The following LMNA variants were observed in gnomAD, a reference collection of about 807,000 sequenced individuals.
LMNA encodes the protein lamin.
Under a neutral mutation model 70.4 loss-of-function variants are expected in LMNA, and 20 were observed. The ratio of observed to expected loss-of-function variants is 0.28; its 90% CI spans 0.20 to 0.41. The LOEUF (loss-of-function observed/expected upper bound fraction) is 0.41. Among genes scored for constraint, LMNA ranks in the 10% least tolerant of loss-of-function variants. LMNA has a pLI of 1.00. For synonymous variants in LMNA, 339 were observed against 372.8 expected (o/e 0.91, Z 1.04); for missense variants, 652 against 917.2 (o/e 0.71, Z 3.73).
chr1:156,110,044 TG>T (rs1338350475), upstream of LMNA, among the ~76,000 whole-genome samples: 1 of 151,934 alleles, frequency 6.6e-6, no homozygotes, highest in Non-Finnish European at 1.5e-5. Flanking sequence ...GGTTTCACTA[TG>T]TTGGCCAGGT....
chr1:156,101,772 G>A (rs963231037), intron 3 of LMNA, among the ~76,000 whole-genome samples: 2 of 152,234 alleles, frequency 1.3e-5, no homozygotes, highest in African/African-American at 4.8e-5. Context: ...TCCAGGTGGG[G>A]GTTGGTGGTG....
chr1:156,107,194 C>CG (rs779886920), intron 3 of LMNA, among the ~76,000 whole-genome samples: 21 of 152,068 alleles, frequency 1.4e-4, no homozygotes, highest in Non-Finnish European at 2.4e-4. Flanking sequence ...AGCTTGTCAC[C>CG]GGGGGGACTG....
intron 2 of LMNA, among the ~76,000 whole-genome samples, chr1:156,085,730 C>T (rs1029711382): frequency 6.6e-6 from 1 of 152,170 alleles, no homozygotes; most frequent in African/African-American, 2.4e-5. Flanking sequence ...ATTGCTAAGC[C>T]TCAGTTTCCT....
rs1319142265 is a variant in LMNA, at chr1:156,137,090, A to G, written c.1489-23A>G. ...TGGGTGGCGATGGGAGCGCTGGGGT[A>G]AGTGTCCTTTTCTCCTCTCCAGATC... is the stretch of plus-strand genomic sequence containing the variant. On this transcript the variant is annotated intron_variant, in intron 8 of 11. Transcript: ENST00000368300. The surrounding 1 kb of genome is among the most constrained non-coding windows in gnomAD (Gnocchi z 4.6). 9 of 1,614,000 alleles carry G rather than the reference A, an allele frequency of 5.6e-6. No homozygotes were observed. Among genetic ancestry groups the G allele is most frequent in the Non-Finnish European group, 7.6e-6 (9 of 1,179,934 alleles).
chr1:156,102,871 G>T (rs1049949564), intron 3 of LMNA, among the ~76,000 whole-genome samples: 2 of 152,184 alleles, frequency 1.3e-5, no homozygotes, highest in African/African-American at 4.8e-5. Context: ...AGCTCTCCAA[G>T]GGTCCCATAT....
intron 2 of LMNA, among the ~76,000 whole-genome samples, chr1:156,087,530 C>T (rs768533606): frequency 1.3e-5 from 2 of 151,638 alleles, no homozygotes; most frequent in Non-Finnish European, 2.9e-5. Flanking sequence ...CGTGAGCCAT[C>T]GCGCCCGGCT....
chr1:156,085,046 G>C (rs148082625), intron 2 of LMNA, among the ~76,000 whole-genome samples: 3 of 152,332 alleles, frequency 2.0e-5, no homozygotes, highest in African/African-American at 7.2e-5. Flanking sequence ...CAACAAGAAT[G>C]AATCAGCCCT....
At position 156,138,345 on chromosome 1, in the gene LMNA, C is replaced by T; in HGVS notation, c.1699-143C>T. 1.1e-6 allele frequency: 1 copy of T among 884,252 alleles called. No homozygotes were observed. Among genetic ancestry groups the T allele is most frequent in the Non-Finnish European group, 1.7e-6 (1 of 584,404 alleles). 54.8% of individuals were successfully genotyped at this position (884,252 alleles called of 1,614,324 possible). A position where few individuals can be genotyped will look rare whatever the true frequency, so the allele number is the denominator to read the frequency against. The stretch of plus-strand genomic sequence containing the variant: ...CCTCCGGGCCCCTAGCCTCCCAAAC[C>T]CCCATTGCCCGCTGGCTCCTTGGGC... On this transcript the variant is annotated intron_variant, in intron 10 of 11. Coordinates refer to ENST00000368300, the MANE Select transcript of LMNA (RefSeq NM_170707.4). The surrounding 1 kb of genome is among the most constrained non-coding windows in gnomAD (Gnocchi z 5.5).
rs540420153 is a variant in LMNA at position 156,134,594 on chromosome 1, G to T, written c.639+66G>T. 5 of 1,606,910 alleles carry T rather than the reference G, an allele frequency of 3.1e-6. No individual in the cohort carries two copies. Among genetic ancestry groups the T allele is most frequent in the South Asian group, 2.2e-5 (2 of 90,470 alleles). ...TGATGACAGACTTGGGCTGGGCTAG[G>T]GGGGACCAGCTGTGTGCAGAGCTCG... On this transcript the variant is annotated intron_variant, in intron 3 of 11. Coordinates refer to ENST00000368300, the MANE Select transcript of LMNA (RefSeq NM_170707.4). The surrounding 1 kb of genome is among the most constrained non-coding windows in gnomAD (Gnocchi z 5.3).
rs774494686 is a variant in LMNA at position 156,138,582 on chromosome 1, C to G, written c.1793C>G (p.Ala598Gly). Residue 598 changes from alanine (A) to glycine (G), a missense_variant, in exon 11 of 12, where the codon GCA becomes GGA. By Grantham distance (60) the Ala-to-Gly change is moderately conservative. Around this residue, in one of 4 missense-constraint regions of LMNA, gnomAD observed 327 missense variants for 387.6 expected, o/e 0.84. Coordinates refer to ENST00000368300, the MANE Select transcript of LMNA (RefSeq NM_170707.4). The surrounding 1 kb of genome is among the most constrained non-coding windows in gnomAD (Gnocchi z 5.5). ...ACCTGCGGGCAGCCTGCCGACAAGGCATCTGCCAGCGGCTCAGGAGCCCAG... is the reference window on the plus strand; with the variant it reads ...ACCTGCGGGCAGCCTGCCGACAAGGGATCTGCCAGCGGCTCAGGAGCCCAG... ...CGTCGQPADK[A>G]SASGSGAQVG... 1 of 1,612,842 alleles carries G rather than the reference C, an allele frequency of 6.2e-7. No individual in the cohort carries two copies. Among genetic ancestry groups the G allele is most frequent in the Non-Finnish European group, 8.5e-7 (1 of 1,179,836 alleles).
chr1:156,137,909 A>T lies in LMNA; in HGVS notation c.1698+166A>T. ...TCTTCTCTCTCCTCCCTATACCTTGAACAGGGAACCCAGGTGTCTGGGTGC... is the reference window on the plus strand; with the variant it reads ...TCTTCTCTCTCCTCCCTATACCTTGTACAGGGAACCCAGGTGTCTGGGTGC... On this transcript the variant is annotated intron_variant, in intron 10 of 11. Coordinates refer to ENST00000368300, the MANE Select transcript of LMNA (RefSeq NM_170707.4). The surrounding 1 kb of genome is among the most constrained non-coding windows in gnomAD (Gnocchi z 4.6). 2 of 1,426,058 alleles carry T rather than the reference A, an allele frequency of 1.4e-6. No homozygotes were observed. Among genetic ancestry groups the T allele is most frequent in the Non-Finnish European group, 1.9e-6 (2 of 1,069,330 alleles). The allele number at this position is 1,426,058 out of a possible 1,614,324, so 88.3% of individuals were successfully genotyped here.
intron 2 of LMNA, among the ~76,000 whole-genome samples, chr1:156,132,518 A>G (rs1249694475): frequency 3.3e-5 from 5 of 152,136 alleles, no homozygotes; most frequent in African/African-American, 9.7e-5. Flanking sequence ...AATAAAAGCT[A>G]AGAATCAAAG....
At chr1:156,124,684 C>T (rs1288809148) in intron 1 of LMNA, among the ~76,000 whole-genome samples, 1 of 152,146 alleles carries the variant, frequency 6.6e-6, no homozygotes, top group South Asian at 2.1e-4. Flanking sequence ...CGAGTTGTGG[C>T]AGACCCACAG....
rs148557956 is a variant in LMNA, at chr1:156,134,954, G to A, written c.789G>A (p.Leu263=). Residue 263 remains leucine, a synonymous_variant, in exon 4 of 12, where the codon CTG becomes CTA. Transcript: ENST00000368300. The surrounding 1 kb of genome is among the most constrained non-coding windows in gnomAD (Gnocchi z 5.3). ...AGGTGGAGCAGTATAAGAAGGAGCT[G>A]GAGAAGACTTATTCTGCCAAGGTGC... ...EDQVEQYKKE[L]EKTYSAKLDN... 7.2e-5 allele frequency: 116 copies of A among 1,614,198 alleles called. No homozygotes were observed. The African/African-American group carries it at 1.4e-3, about 20-fold the overall frequency.
rs539069850 is a variant in LMNA at position 156,092,225 on chromosome 1, A to G, written c.-207+1643A>G. 3.1e-4 allele frequency among the ~76,000 whole-genome samples: 47 copies of G among 151,956 alleles called. 1 individual carries two copies. Among genetic ancestry groups the G allele is most frequent in the Middle Eastern group, 6.8e-3 (2 of 294 alleles). On this transcript the variant is annotated intron_variant, in intron 3 of 12. Coordinates refer to the LMNA transcript ENST00000368301. The stretch of plus-strand genomic sequence containing the variant: ...GAGCCACAGTGCCCAGCCAAAAAAA[A>G]TTTTTTTTAATTAGCCAGGTGTGGT...
chr1:156,130,658 G>A lies in LMNA; in HGVS notation c.398G>A (p.Arg133Gln), dbSNP rs60864230. 6.2e-6 allele frequency: 10 copies of A among 1,613,916 alleles called. No homozygotes were observed. Among genetic ancestry groups the A allele is most frequent in the East Asian group, 2.2e-5 (1 of 44,888 alleles). Reference sequence around the variant, plus strand: ...GGTGACCTGATAGCTGCTCAGGCTCGGCTGAAGGACCTGGAGGCTCTGCTG... The same window carrying A: ...GGTGACCTGATAGCTGCTCAGGCTCAGCTGAAGGACCTGGAGGCTCTGCTG... ...KEGDLIAAQA[R>Q]LKDLEALLNS... is the part of the protein sequence containing the mutation. Residue 133 changes from arginine (R) to glutamine (Q), a missense_variant, in exon 2 of 12, where the codon CGG becomes CAG. Arg to Gln is a conservative substitution (Grantham distance 43). Around this residue, in one of 4 missense-constraint regions of LMNA, gnomAD observed 254 missense variants for 421.9 expected, o/e 0.60. Transcript: ENST00000368300.
At chr1:156,092,897 T>C (rs1468245476) in intron 3 of LMNA, among the ~76,000 whole-genome samples, 1 of 150,020 alleles carries the variant, frequency 6.7e-6, no homozygotes, top group Non-Finnish European at 1.5e-5. Flanking sequence ...TTTCTTTTTT[T>C]TTTTTTTTTG....
intron 1 of LMNA, among the ~76,000 whole-genome samples, chr1:156,121,636 C>T (rs974880552): frequency 6.6e-6 from 1 of 152,048 alleles, no homozygotes; most frequent in Non-Finnish European, 1.5e-5. Flanking sequence ...TAGATCCCTT[C>T]ACCTACCAAC....
chr1:156,084,864 A>T (rs1648421846), intron 2 of LMNA, among the ~76,000 whole-genome samples: 2 of 152,250 alleles, frequency 1.3e-5, no homozygotes, highest in African/African-American at 4.8e-5. Context: ...TAATTAAGGC[A>T]GGAGGTTAAT....
Sources: gnomAD v4.1 joint callset for allele counts (sites outside exome capture counted in the v4.1 genomes callset) on GRCh38, gnomAD v4.1.1 for gene constraint, gnomAD v4.1.1 regional missense constraint, Gnocchi (gnomAD v3.1) non-coding constraint, MANE v1.5 for transcripts, NCBI Gene and HGNC (gene_info 2026-07-23, HGNC 2026-07-21) for gene names.